The following PAG1 variants were observed in gnomAD, a reference collection of about 807,000 sequenced individuals.
PAG1 encodes the protein phosphoprotein membrane anchor with glycosphingolipid microdomains 1.
PAG1 carries 23 observed loss-of-function variants against 31.7 expected under a neutral mutation model. The ratio of observed to expected loss-of-function variants is 0.73; its 90% CI spans 0.52 to 1.03. The LOEUF (loss-of-function observed/expected upper bound fraction) is 1.03, where lower values mean the gene tolerates loss of function less well. Among genes scored for constraint, PAG1 ranks in the 50% least tolerant of loss-of-function variants. PAG1 has a pLI of 0.00. For missense variants in PAG1, 473 were observed against 540.7 expected (o/e 0.87, Z 1.24); for synonymous variants, 214 against 210.3 (o/e 1.02, Z -0.15).
chr8:81,102,256 C>A (rs1417764324), intron 1 of PAG1, among the ~76,000 whole-genome samples: 1 of 152,152 alleles, frequency 6.6e-6, no homozygotes, highest in African/African-American at 2.4e-5. Flanking sequence ...AAGGCTACTA[C>A]AATGCACCAT....
At chr8:81,030,272 T>C (rs1487964740) in intron 2 of PAG1, among the ~76,000 whole-genome samples, 183 bp from the exon 3 acceptor site, 1 of 152,114 alleles carries the variant, frequency 6.6e-6, no homozygotes, top group Non-Finnish European at 1.5e-5. Flanking sequence ...ACAGTAATAA[T>C]TAAATAAAAA....
rs1807512493 is a variant in PAG1 at position 80,990,216 on chromosome 8, G to T, written c.177+1263C>A. 6.6e-6 allele frequency among the ~76,000 whole-genome samples: 1 copy of T among 152,146 alleles called. No individual in the cohort carries two copies. Among genetic ancestry groups the T allele is most frequent in the Admixed American group, 6.5e-5 (1 of 15,270 alleles). Reference sequence around the variant, plus strand: ...AAGCTGCGAAGGGTGAGGTGGGCATGTGGATGCAGAGGGGAGGGAAGGAAA... The same window carrying T: ...AAGCTGCGAAGGGTGAGGTGGGCATTTGGATGCAGAGGGGAGGGAAGGAAA... On this transcript the variant is annotated intron_variant, in intron 5 of 8. Coordinates refer to ENST00000220597, the MANE Select transcript of PAG1 (RefSeq NM_018440.4). This position sits in a 1 kb window ranked among gnomAD's most constrained non-coding sequence, Gnocchi z 5.1.
chr8:81,083,872 T>C (rs1007664743), intron 1 of PAG1, among the ~76,000 whole-genome samples: 1 of 151,838 alleles, frequency 6.6e-6, no homozygotes, highest in African/African-American at 2.4e-5. Context: ...CCATCTCTAC[T>C]GAAAATATAA....
chr8:81,052,991 G>A (rs1268448517), intron 2 of PAG1, among the ~76,000 whole-genome samples: 1 of 152,144 alleles, frequency 6.6e-6, no homozygotes, highest in Admixed American at 6.5e-5. Context: ...GTATTTCAAA[G>A]TTTATTTATT....
intron 1 of PAG1, among the ~76,000 whole-genome samples, chr8:81,077,911 TCTC>T (rs1468052225): frequency 2.6e-5 from 4 of 152,096 alleles, no homozygotes; most frequent in African/African-American, 7.2e-5. Context: ...TTAAAAGCAC[TCTC>T]CTTTCCCTCA....
chr8:80,980,580 T>C, intron 7 of PAG1, 86 bp from the exon 8 acceptor site: 1 of 839,796 alleles, frequency 1.2e-6, no homozygotes, highest in South Asian at 1.5e-5. Context: ...ATAATCTGTC[T>C]AGCAACGTTT....
rs869177030 is a variant in PAG1, at chr8:81,085,972, G to GTTTTTTTTTTTTTTTT, written c.-233-15818_-233-15803dup. Among the ~76,000 whole-genome samples, 20 of 58,904 alleles carry GTTTTTTTTTTTTTTTT rather than the reference G, an allele frequency of 3.4e-4. 5 individuals are homozygous for GTTTTTTTTTTTTTTTT. Among genetic ancestry groups the GTTTTTTTTTTTTTTTT allele is most frequent in the African/African-American group, 1.5e-3 (20 of 13,782 alleles). 38.6% of individuals were successfully genotyped at this position (58,904 alleles called of 152,430 possible). A position where few individuals can be genotyped will look rare whatever the true frequency, so the allele number is the denominator to read the frequency against. ...AGTAGTTACGCTTTTAATCTGGCTT[G>GTTTTTTTTTTTTTTTT]TTTTTTTTTTTTTTTTTTTTTTTTT... On this transcript the variant is annotated intron_variant, in intron 1 of 8. Transcript: ENST00000220597.
At chr8:81,039,726 T>C (rs1308338093) in intron 2 of PAG1, among the ~76,000 whole-genome samples, 1 of 152,218 alleles carries the variant, frequency 6.6e-6, no homozygotes, top group African/African-American at 2.4e-5. Context: ...ATACCTCATA[T>C]CAAGAGGTTT....
chr8:81,053,247 A>G (rs1189777347), intron 2 of PAG1, among the ~76,000 whole-genome samples: 1 of 152,244 alleles, frequency 6.6e-6, no homozygotes, highest in Non-Finnish European at 1.5e-5. Flanking sequence ...TAAAGAATAG[A>G]GATTTAATTT....
intron 1 of PAG1, among the ~76,000 whole-genome samples, chr8:81,103,642 T>C (rs1164684404): frequency 2.0e-5 from 3 of 152,240 alleles, no homozygotes; most frequent in Admixed American, 6.5e-5. Flanking sequence ...GTGAAAATTA[T>C]AGGATATTTT....
At chr8:81,000,264 A>G (rs1037098853) in intron 3 of PAG1, among the ~76,000 whole-genome samples, 49 of 152,174 alleles carry the variant, frequency 3.2e-4, no homozygotes, top group African/African-American at 1.1e-3. Context: ...TATTGAATAC[A>G]TGTTTCTGTA....
chr8:81,094,753 G>A (rs75826243), intron 1 of PAG1, among the ~76,000 whole-genome samples: 2,721 of 152,286 alleles, frequency 0.018, 87 homozygotes, highest in African/African-American at 0.061. Flanking sequence ...ATTGAGTCCT[G>A]TATCTGAGAG....
chr8:81,053,384 C>T (rs776637874), intron 2 of PAG1, among the ~76,000 whole-genome samples: 8 of 149,082 alleles, frequency 5.4e-5, no homozygotes, highest in Non-Finnish European at 7.6e-5. Context: ...TTCTTTAATT[C>T]TTACTTGTGA....
At chr8:81,065,536 T>C (rs1808989305) in intron 2 of PAG1, among the ~76,000 whole-genome samples, 2 of 152,276 alleles carry the variant, frequency 1.3e-5, no homozygotes, top group East Asian at 1.9e-4. Flanking sequence ...GAGTGGATAA[T>C]GAAACTAGCT....
At chr8:81,109,719 CTA>C (rs746655156) in intron 1 of PAG1, among the ~76,000 whole-genome samples, 2 of 152,210 alleles carry the variant, frequency 1.3e-5, no homozygotes, top group Non-Finnish European at 2.9e-5. Flanking sequence ...CCCAACAGCT[CTA>C]TGTCTATGAA....
At chr8:81,051,266 G>A (rs1808723871) in intron 2 of PAG1, among the ~76,000 whole-genome samples, 1 of 152,184 alleles carries the variant, frequency 6.6e-6, no homozygotes, top group African/African-American at 2.4e-5. Flanking sequence ...AATGAGAACA[G>A]AGAAGTCCTA....
rs542715246 is a variant in PAG1 at position 81,104,018 on chromosome 8, G to T, written c.-234+7573C>A. On this transcript the variant is annotated intron_variant, in intron 1 of 8. Transcript: ENST00000220597. The stretch of plus-strand genomic sequence containing the variant: ...TGAGATCCAGAAAAAAATAAGAAAT[G>T]AAAATTCCATGCGCTTCTTGAGATC... 2.0e-5 allele frequency among the ~76,000 whole-genome samples: 3 copies of T among 152,228 alleles called. No individual in the cohort carries two copies. In the East Asian group the frequency reaches 5.8e-4, roughly 29 times the overall value.
intron 2 of PAG1, among the ~76,000 whole-genome samples, chr8:81,030,901 G>A (rs558939123): frequency 1.3e-5 from 2 of 152,318 alleles, no homozygotes; most frequent in East Asian, 3.9e-4. Context: ...ATGAATGAAC[G>A]AACGAACAAA....
At chr8:81,104,859 A>T (rs758206786) in intron 1 of PAG1, among the ~76,000 whole-genome samples, 12 of 152,144 alleles carry the variant, frequency 7.9e-5, no homozygotes, top group Non-Finnish European at 1.5e-4. Context: ...TGATCATTCT[A>T]AAAAAGTACT....
Sources: allele counts gnomAD v4.1 joint callset (sites outside exome capture counted in the v4.1 genomes callset), GRCh38; gene constraint gnomAD v4.1.1; non-coding constraint Gnocchi (gnomAD v3.1); transcripts MANE v1.5; gene names NCBI Gene and HGNC (gene_info 2026-07-23, HGNC 2026-07-21).